ZFHX3: variants seen among roughly 807,000 people sequenced by gnomAD.
ZFHX3 encodes zinc finger homeobox 3, also known as zinc finger homeobox protein 3.
In ZFHX3, 42 loss-of-function variants were observed where a neutral mutation model predicts 279.1. The ratio of observed to expected loss-of-function variants is 0.15; its 90% confidence interval spans 0.12 to 0.19. The LOEUF (loss-of-function observed/expected upper bound fraction) is 0.19, where lower values mean the gene tolerates loss of function less well. Ranked by LOEUF, ZFHX3 falls within the 10% of genes least tolerant of loss-of-function variation. The pLI is 1.00. For missense variants in ZFHX3, 4,981 were observed against 4,754.0 expected (o/e 1.05, Z -1.40); for synonymous variants, 2,293 against 1,957.8 (o/e 1.17, Z -4.52).
chr16:73,180,370 AG>A (rs1348461265), intron 5 of ZFHX3, among the ~76,000 whole-genome samples: 1 of 152,058 alleles, frequency 6.6e-6, no homozygotes, highest in East Asian at 1.9e-4. Flanking sequence ...TTTACTCTGA[AG>A]TTTGGTCTAG....
intron 1 of ZFHX3, among the ~76,000 whole-genome samples, chr16:73,790,099 C>G (rs1959777932): frequency 3.3e-5 from 5 of 152,024 alleles, no homozygotes; most frequent in Admixed American, 3.3e-4. Flanking sequence ...CATTGTAGGA[C>G]CAAACTTAGG....
At chr16:72,805,274 G>A (rs539337685) in intron 7 of ZFHX3, among the ~76,000 whole-genome samples, 4 of 152,114 alleles carry the variant, frequency 2.6e-5, no homozygotes, top group South Asian at 2.1e-4. Context: ...GAGCCACTAC[G>A]CCTGGCCAGC....
At chr16:73,189,055 G>C (rs1967975091) in intron 5 of ZFHX3, among the ~76,000 whole-genome samples, 1 of 152,060 alleles carries the variant, frequency 6.6e-6, no homozygotes. Context: ...GTAAAGACAG[G>C]ATTTCACCAT....
chr16:73,616,368 G>A (rs1053912156), intron 2 of ZFHX3, among the ~76,000 whole-genome samples: 1 of 145,558 alleles, frequency 6.9e-6, no homozygotes, highest in Non-Finnish European at 1.5e-5. Context: ...GTCAATCACA[G>A]CTGTTTCGGG....
At chr16:73,056,944 CT>C (rs988584379) in intron 1 of ZFHX3, among the ~76,000 whole-genome samples, 6 of 152,136 alleles carry the variant, frequency 3.9e-5, no homozygotes, top group Non-Finnish European at 7.4e-5. Context: ...GGGCTCGAGT[CT>C]TTTTTAAATT....
chr16:72,909,795 T>G (rs1274270329), intron 3 of ZFHX3, among the ~76,000 whole-genome samples: 1 of 149,556 alleles, frequency 6.7e-6, no homozygotes, highest in Non-Finnish European at 1.5e-5. Context: ...GGAGGATCAC[T>G]TGACCCTGGG....
At chr16:73,181,250 G>T (rs946032214) in intron 5 of ZFHX3, among the ~76,000 whole-genome samples, 1 of 152,060 alleles carries the variant, frequency 6.6e-6, no homozygotes, top group Non-Finnish European at 1.5e-5. Context: ...ACAGGCACAC[G>T]CCAGCATGCC....
chr16:73,069,058 ACT>A (rs1399153274), intron 8 of ZFHX3, among the ~76,000 whole-genome samples: 1 of 152,108 alleles, frequency 6.6e-6, no homozygotes, highest in Admixed American at 6.5e-5. Flanking sequence ...GGCTGGGTTG[ACT>A]CTGACTGATG....
In ZFHX3 at chr16:72,959,300, C is replaced by A. The variant is rs1390076085; in HGVS notation, c.846G>T (p.Leu282=). ...FVLYGKRKPI[L]MCFLCKLSFG... Reference sequence around the variant, plus strand: ...AGGAGAGTTTGCACAAGAAACACATCAGGATGGGCTTCCTCTTGCCATAGA... The same window carrying A: ...AGGAGAGTTTGCACAAGAAACACATAAGGATGGGCTTCCTCTTGCCATAGA... The change falls in exon 2 of 10, where the codon CTG becomes CTT. Residue 282 remains leucine, a synonymous_variant. Transcript: ENST00000268489. 1 of 1,614,230 alleles carries A rather than the reference C, an allele frequency of 6.2e-7. No homozygotes were observed. The highest frequency in any genetic ancestry group is 1.1e-5 in the South Asian group (1 of 91,078).
chr16:72,976,531 T>C (rs931269863), intron 1 of ZFHX3, among the ~76,000 whole-genome samples: 10 of 152,198 alleles, frequency 6.6e-5, no homozygotes, highest in Non-Finnish European at 1.0e-4. Flanking sequence ...CTCCTGTCGA[T>C]ACAGACTCCT....
At chr16:72,909,055 T>C (rs984363134) in intron 3 of ZFHX3, among the ~76,000 whole-genome samples, 1 of 152,176 alleles carries the variant, frequency 6.6e-6, no homozygotes. Flanking sequence ...ACCAGGGCCA[T>C]TGCATTCAAC....
chr16:73,891,364 GC>G (rs777474057), intron 1 of ZFHX3, among the ~76,000 whole-genome samples: 1 of 152,038 alleles, frequency 6.6e-6, no homozygotes, highest in Non-Finnish European at 1.5e-5. Context: ...CAGCAACGCG[GC>G]CCAGGCAGTC....
At chr16:73,347,003 A>T (rs1406729345) in intron 3 of ZFHX3, among the ~76,000 whole-genome samples, 1 of 152,184 alleles carries the variant, frequency 6.6e-6, no homozygotes, top group Non-Finnish European at 1.5e-5. Context: ...CAAGGGGAGG[A>T]AATTGAAGCT....
intron 2 of ZFHX3, among the ~76,000 whole-genome samples, chr16:73,541,884 C>T (rs1172203247): frequency 6.7e-6 from 1 of 149,118 alleles, no homozygotes. Flanking sequence ...TCACCGCAAC[C>T]TCTGCCTCCT....
intron 1 of ZFHX3, among the ~76,000 whole-genome samples, chr16:73,775,528 A>G (rs1186302027): frequency 1.3e-5 from 2 of 152,084 alleles, no homozygotes; most frequent in Non-Finnish European, 2.9e-5. Flanking sequence ...AGGCAATGCT[A>G]TTTCCTTCAC....
intron 2 of ZFHX3, among the ~76,000 whole-genome samples, chr16:73,592,701 G>A (rs992563176): frequency 5.3e-5 from 8 of 151,548 alleles, no homozygotes; most frequent in Non-Finnish European, 1.0e-4. Flanking sequence ...TACTCTTCTT[G>A]CTACTGTTAC....
chr16:73,413,700 C>T (rs1245306530), intron 3 of ZFHX3, among the ~76,000 whole-genome samples: 1 of 152,162 alleles, frequency 6.6e-6, no homozygotes, highest in African/African-American at 2.4e-5. Flanking sequence ...ACTAAACCAT[C>T]CATCCATCTA....
chr16:73,177,228 T>G (rs990951074), intron 5 of ZFHX3, among the ~76,000 whole-genome samples: 2 of 152,152 alleles, frequency 1.3e-5, no homozygotes, highest in Non-Finnish European at 2.9e-5. Context: ...TTGAGTGAGA[T>G]AATGGTTGGA....
chr16:72,900,493 T>C (rs1175761423), intron 3 of ZFHX3, among the ~76,000 whole-genome samples: 2 of 152,222 alleles, frequency 1.3e-5, no homozygotes, highest in African/African-American at 4.8e-5. Context: ...CTTCCACATA[T>C]GTGAAAATCC....
Sources: allele counts gnomAD v4.1 joint callset (sites outside exome capture counted in the v4.1 genomes callset), GRCh38; gene constraint gnomAD v4.1.1; transcripts MANE v1.5; gene names NCBI Gene and HGNC (gene_info 2026-07-23, HGNC 2026-07-21).